The following VWC2 variants were observed in gnomAD, a reference collection of about 807,000 sequenced individuals.
VWC2 encodes brorin.
A neutral mutation model predicts 29.8 loss-of-function variants in VWC2; 14 were observed. The observed-to-expected ratio is 0.47, with a 90% confidence interval of 0.31 to 0.74. The LOEUF is 0.74. Among genes scored for constraint, VWC2 ranks in the 30% least tolerant of loss-of-function variants. The pLI is 0.05. For synonymous variants in VWC2, 213 were observed against 199.0 expected (o/e 1.07, Z -0.59); for missense variants, 457 against 459.8 (o/e 0.99, Z 0.05).
chr7:49,887,161 G>A (rs897354019), intron 3 of VWC2, among the ~76,000 whole-genome samples: 2 of 152,094 alleles, frequency 1.3e-5, no homozygotes, highest in Non-Finnish European at 2.9e-5. Context: ...TATCCTGATC[G>A]ATGATGATTT....
intron 2 of VWC2, among the ~76,000 whole-genome samples, chr7:49,784,626 C>T (rs1044820291): frequency 6.6e-6 from 1 of 152,190 alleles, no homozygotes; most frequent in Non-Finnish European, 1.5e-5. Flanking sequence ...TTTCAATGGG[C>T]CTTGGCTCTG....
intron 3 of VWC2, among the ~76,000 whole-genome samples, chr7:49,835,070 G>A (rs186431405): frequency 2.6e-5 from 4 of 152,320 alleles, no homozygotes; most frequent in African/African-American, 9.6e-5. Flanking sequence ...AGGCAAATGG[G>A]GACAAAGAGT....
chr7:49,846,071 A>G (rs192437337), intron 3 of VWC2, among the ~76,000 whole-genome samples: 238 of 152,338 alleles, frequency 1.6e-3, no homozygotes, highest in African/African-American at 5.6e-3. Context: ...AGCTTCAAAA[A>G]TAAACATTGC....
intron 2 of VWC2, among the ~76,000 whole-genome samples, chr7:49,783,329 G>A (rs552177151): frequency 1.1e-4 from 16 of 152,166 alleles, no homozygotes; most frequent in African/African-American, 3.6e-4. Flanking sequence ...GGGTCAAGGG[G>A]GCACACAGTA....
At chr7:49,812,730 G>C (rs481343) in intron 3 of VWC2, among the ~76,000 whole-genome samples, 3,847 of 152,256 alleles carry the variant, frequency 0.025, 152 homozygotes, top group African/African-American at 0.088. Flanking sequence ...CCTGACATCT[G>C]CCATATTTGG....
At chr7:49,898,413 A>G (rs1398499977) in intron 3 of VWC2, among the ~76,000 whole-genome samples, 1 of 151,984 alleles carries the variant, frequency 6.6e-6, no homozygotes, top group Non-Finnish European at 1.5e-5. Context: ...CTTTCTCGCT[A>G]AAGAACTTTG....
chr7:49,839,938 G>A (rs1789755190), intron 3 of VWC2, among the ~76,000 whole-genome samples: 1 of 152,166 alleles, frequency 6.6e-6, no homozygotes. Context: ...TGATTTCTAG[G>A]ATCAGATCAT....
At chr7:49,832,556 C>T (rs974603564) in intron 3 of VWC2, among the ~76,000 whole-genome samples, 2 of 152,248 alleles carry the variant, frequency 1.3e-5, no homozygotes, top group Middle Eastern at 3.4e-3. Context: ...AGGGTTAAAA[C>T]AGAGGGAACT....
intron 3 of VWC2, among the ~76,000 whole-genome samples, chr7:49,810,342 C>T (rs1788979925): frequency 6.6e-6 from 1 of 151,882 alleles, no homozygotes; most frequent in Non-Finnish European, 1.5e-5. Context: ...TGTCACAATG[C>T]AAAATTTGTA....
rs541893630 is a variant in VWC2, at chr7:49,851,843, A to C, written c.826+49003A>C. ...TGCACTCCAGCCTGGGAGACAGAGC[A>C]AGACTCTGTCTAAAAAAAAAAAAAA... On this transcript the variant is annotated intron_variant, in intron 3 of 3. Transcript: ENST00000340652. Among the ~76,000 whole-genome samples, 491 of 152,012 alleles carry C rather than the reference A, an allele frequency of 3.2e-3. 7 individuals are homozygous for C. The highest frequency in any genetic ancestry group is 0.011 in the African/African-American group (457 of 41,462).
chr7:49,810,119 T>C (rs2128707309), intron 3 of VWC2, among the ~76,000 whole-genome samples: 1 of 151,704 alleles, frequency 6.6e-6, no homozygotes, highest in South Asian at 2.1e-4. Context: ...ATACCAAGAA[T>C]TACACATACA....
intron 3 of VWC2, among the ~76,000 whole-genome samples, chr7:49,814,490 A>G (rs1468246640): frequency 2.6e-5 from 4 of 152,212 alleles, no homozygotes; most frequent in Non-Finnish European, 5.9e-5. Context: ...AGAACAATTT[A>G]AAATGGCCCT....
At chr7:49,875,866 T>A (rs1462254838) in intron 3 of VWC2, among the ~76,000 whole-genome samples, 1 of 152,188 alleles carries the variant, frequency 6.6e-6, no homozygotes, top group Non-Finnish European at 1.5e-5. Flanking sequence ...AAGAGAATCC[T>A]GCTTGGTTTC....
At position 49,783,285 on chromosome 7, in the gene VWC2, T is replaced by C. The variant is rs551113464; in HGVS notation, c.696+7154T>C. On this transcript the variant is annotated intron_variant, in intron 2 of 3. Coordinates refer to ENST00000340652, the MANE Select transcript of VWC2 (RefSeq NM_198570.5). Reference sequence around the variant, plus strand: ...CTCCAGGAGACAGGCAGCAGTAGTGTGGTGTGTGAGGCACTGTGAGAGCTT... The same window carrying C: ...CTCCAGGAGACAGGCAGCAGTAGTGCGGTGTGTGAGGCACTGTGAGAGCTT... Among the ~76,000 whole-genome samples the C allele has an allele frequency of 4.6e-5, 7 of 152,114 alleles. No individual in the cohort carries two copies. In the South Asian group the frequency reaches 1.5e-3, roughly 32 times the overall value.
intron 3 of VWC2, among the ~76,000 whole-genome samples, chr7:49,840,794 G>C (rs142133069): frequency 6.6e-6 from 1 of 152,014 alleles, no homozygotes; most frequent in African/African-American, 2.4e-5. Context: ...TAGTTTCCCC[G>C]TATTTCAGGT....
chr7:49,874,563 T>C (rs1292087549), intron 3 of VWC2, among the ~76,000 whole-genome samples: 1 of 152,112 alleles, frequency 6.6e-6, no homozygotes, highest in Non-Finnish European at 1.5e-5. Context: ...TGTGTGTGTG[T>C]GTGTGTGTAT....
chr7:49,820,906 C>T (rs548865534), intron 3 of VWC2, among the ~76,000 whole-genome samples: 40 of 152,168 alleles, frequency 2.6e-4, no homozygotes, highest in Non-Finnish European at 2.6e-4. Flanking sequence ...GGAAGGCTGG[C>T]GGGACAAGAG....
intron 3 of VWC2, among the ~76,000 whole-genome samples, chr7:49,857,163 A>G (rs1790459777): frequency 6.6e-6 from 1 of 152,014 alleles, no homozygotes; most frequent in African/African-American, 2.4e-5. Flanking sequence ...GAAACTTTAT[A>G]CCCATTCAAC....
At chr7:49,774,587 G>T (rs1863376) in intron 1 of VWC2, among the ~76,000 whole-genome samples, 1 of 152,164 alleles carries the variant, frequency 6.6e-6, no homozygotes, top group Non-Finnish European at 1.5e-5. Context: ...CTTCTGCTCC[G>T]CAGCCAGGAC....
Sources: allele counts gnomAD v4.1 joint callset (sites outside exome capture counted in the v4.1 genomes callset), GRCh38; gene constraint gnomAD v4.1.1; transcripts MANE v1.5; gene names NCBI Gene and HGNC (gene_info 2026-07-23, HGNC 2026-07-21).